HCRTR2: variants seen among roughly 807,000 people sequenced by gnomAD.
HCRTR2 encodes orexin receptor type 2.
HCRTR2 carries 22 observed loss-of-function variants against 49.0 expected under a neutral mutation model. That is an observed-to-expected ratio of 0.45 (90% CI 0.32 to 0.64). The LOEUF is 0.64. Among genes scored for constraint, HCRTR2 ranks in the 30% least tolerant of loss-of-function variants. The probability of loss-of-function intolerance (pLI) is 0.04; values close to 1 mark genes in which losing one functional copy is unlikely to be tolerated. For missense variants in HCRTR2, 491 were observed against 559.4 expected (o/e 0.88, Z 1.23); for synonymous variants, 236 against 205.3 (o/e 1.15, Z -1.28).
At chr6:55,171,442 A>G (rs562084409), upstream of HCRTR2, among the ~76,000 whole-genome samples, 1 of 152,270 alleles carries the variant, frequency 6.6e-6, no homozygotes, top group South Asian at 2.1e-4. Flanking sequence ...GAAGAGTAAT[A>G]CCTAAGAACT....
chr6:55,184,161 ACAGG>A (rs1374917256), intron 1 of HCRTR2, among the ~76,000 whole-genome samples: 2 of 152,220 alleles, frequency 1.3e-5, no homozygotes, highest in East Asian at 1.9e-4. Flanking sequence ...ACTCCTGAGC[ACAGG>A]CAATCCGCCC....
rs1764532625 is a variant in HCRTR2, at chr6:55,143,130, TAA to T, written c.-377-31080_-377-31079del. On this transcript the variant is annotated intron_variant, in intron 1 of 7. Transcript: ENST00000615358. Reference sequence around the variant, plus strand: ...AAAATGTGACCATTCAAATATTTTTTAAGTTAATAGAATAAAAGTTTCCAGTA... The same window carrying T: ...AAAATGTGACCATTCAAATATTTTTTGTTAATAGAATAAAAGTTTCCAGTA... 2.0e-5 allele frequency among the ~76,000 whole-genome samples: 3 copies of T among 149,892 alleles called. 1 individual carries two copies. Among genetic ancestry groups the T allele is most frequent in the African/African-American group, 7.4e-5 (3 of 40,442 alleles).
intron 1 of HCRTR2, among the ~76,000 whole-genome samples, chr6:55,112,570 T>A (rs1764063604): frequency 1.3e-5 from 2 of 148,858 alleles, no homozygotes; most frequent in Admixed American, 6.7e-5. Context: ...AAAAAAACCT[T>A]AGGAATATAC....
chr6:55,163,408 G>T (rs1764834400), intron 1 of HCRTR2, among the ~76,000 whole-genome samples: 1 of 152,116 alleles, frequency 6.6e-6, no homozygotes, highest in African/African-American at 2.4e-5. Flanking sequence ...AAACAGCATG[G>T]TATTGGTATG....
At chr6:55,128,851 A>G (rs548623570) in intron 1 of HCRTR2, among the ~76,000 whole-genome samples, 27 of 152,254 alleles carry the variant, frequency 1.8e-4, no homozygotes, top group African/African-American at 5.8e-4. Flanking sequence ...GTATTGATTT[A>G]ATATAATAAC....
intron 4 of HCRTR2, among the ~76,000 whole-genome samples, chr6:55,270,833 G>A (rs1438893914): frequency 6.6e-6 from 1 of 151,826 alleles, no homozygotes; most frequent in Non-Finnish European, 1.5e-5. Context: ...TTCAGATAAG[G>A]GATATTCAAT....
chr6:55,116,664 T>C (rs1393799122), intron 1 of HCRTR2, among the ~76,000 whole-genome samples: 1 of 144,608 alleles, frequency 6.9e-6, no homozygotes, highest in Middle Eastern at 3.5e-3. Flanking sequence ...TGCTTCCAAA[T>C]GATTGTATCA....
chr6:55,145,907 A>ATAAG (rs984086847), intron 1 of HCRTR2, among the ~76,000 whole-genome samples: 5 of 152,086 alleles, frequency 3.3e-5, no homozygotes, highest in African/African-American at 1.2e-4. Context: ...TACTCATCAT[A>ATAAG]TAAGTTGTAA....
At chr6:55,280,560 G>C in intron 6 of HCRTR2, 116 bp downstream of exon 6, 1 of 1,392,544 alleles carries the variant, frequency 7.2e-7, no homozygotes, top group South Asian at 1.2e-5. Context: ...TTTTTTCCCT[G>C]ACCTGATTTA....
chr6:55,160,526 G>A (rs1232818323), intron 1 of HCRTR2, among the ~76,000 whole-genome samples: 2 of 152,132 alleles, frequency 1.3e-5, no homozygotes, highest in African/African-American at 4.8e-5. Context: ...CCCCAATTAA[G>A]AGACACAGAC....
chr6:55,216,097 C>T (rs752821408), intron 1 of HCRTR2, among the ~76,000 whole-genome samples: 4 of 152,154 alleles, frequency 2.6e-5, no homozygotes, highest in Non-Finnish European at 4.4e-5. Context: ...TATGAAAACA[C>T]ATTAAGCCAT....
intron 1 of HCRTR2, among the ~76,000 whole-genome samples, chr6:55,190,746 A>G (rs1234752862): frequency 6.6e-6 from 1 of 152,192 alleles, no homozygotes; most frequent in Non-Finnish European, 1.5e-5. Context: ...GATTACTTTG[A>G]ACAATGCATT....
At chr6:55,173,634 A>G (rs1337746353), upstream of HCRTR2, among the ~76,000 whole-genome samples, 1 of 152,190 alleles carries the variant, frequency 6.6e-6, no homozygotes, top group Admixed American at 6.5e-5. Context: ...GCTACATCCT[A>G]CAGTGAATGT....
chr6:55,125,374 C>T (rs937312104), intron 1 of HCRTR2, among the ~76,000 whole-genome samples: 18 of 152,150 alleles, frequency 1.2e-4, no homozygotes, highest in East Asian at 1.9e-4. Context: ...ACTATTGAAG[C>T]TTAGTTTGGC....
chr6:55,238,959 G>T (rs948630098), intron 1 of HCRTR2, among the ~76,000 whole-genome samples: 25 of 152,250 alleles, frequency 1.6e-4, no homozygotes, highest in Middle Eastern at 3.4e-3. Flanking sequence ...ATGCAAAAGG[G>T]TCAAAGAGAA....
intron 1 of HCRTR2, among the ~76,000 whole-genome samples, chr6:55,211,597 T>C (rs1581832452): frequency 1.3e-5 from 2 of 152,226 alleles, no homozygotes; most frequent in East Asian, 3.8e-4. Flanking sequence ...CTTGGTATTA[T>C]TAAAAGCCCT....
Position 55,255,261 on chromosome 6 carries a change from C to T in HCRTR2, c.528C>T (p.Ile176=), listed in dbSNP as rs957190732. The part of the protein sequence containing the change: ...AKRARNSIVI[I]WIVSCIIMIP... ...GGGCCCGTAACAGCATTGTCATCAT[C>T]TGGATTGTCTCCTGCATTATAATGA... The change falls in exon 3 of 7, where the codon ATC becomes ATT. Residue 176 remains isoleucine (I), a synonymous_variant. Transcript: ENST00000370862. 4 of 1,613,924 alleles carry T rather than the reference C, an allele frequency of 2.5e-6. No individual in the cohort carries two copies. Among genetic ancestry groups the T allele is most frequent in the African/African-American group, 2.7e-5 (2 of 74,878 alleles).
upstream of HCRTR2, among the ~76,000 whole-genome samples, chr6:55,171,224 C>T (rs1246794846): frequency 2.6e-5 from 4 of 152,128 alleles, no homozygotes; most frequent in African/African-American, 9.7e-5. Context: ...CCTATTTCTC[C>T]ACATCCTCTC....
intron 1 of HCRTR2, among the ~76,000 whole-genome samples, chr6:55,213,070 A>T (rs547542109): frequency 1.4e-5 from 2 of 147,790 alleles, no homozygotes; most frequent in Non-Finnish European, 3.0e-5. Context: ...AGAGTACATG[A>T]AAAAAAAGAG....
Sources: gnomAD v4.1 joint callset for allele counts (sites outside exome capture counted in the v4.1 genomes callset) on GRCh38, gnomAD v4.1.1 for gene constraint, MANE v1.5 for transcripts, NCBI Gene and HGNC (gene_info 2026-07-23, HGNC 2026-07-21) for gene names.